The following ZBTB8OS variants were observed in gnomAD, a reference collection of about 807,000 sequenced individuals.
ZBTB8OS encodes tRNA splicing ligase complex subunit 1, also known as tRNA-splicing ligase-activating factor archease.
In ZBTB8OS, 16 loss-of-function variants were observed where a neutral mutation model predicts 29.3. The ratio of observed to expected loss-of-function variants is 0.55; its 90% confidence interval spans 0.37 to 0.83. The LOEUF is 0.83. Ranked by LOEUF, ZBTB8OS falls within the 40% of genes least tolerant of loss-of-function variation. ZBTB8OS has a pLI of 0.00. For missense variants in ZBTB8OS, 160 were observed against 196.9 expected (o/e 0.81, Z 1.12); for synonymous variants, 70 against 64.6 (o/e 1.08, Z -0.40).
intron 1 of ZBTB8OS, among the ~76,000 whole-genome samples, chr1:32,648,163 C>T (rs571808350): frequency 6.6e-6 from 1 of 152,086 alleles, no homozygotes; most frequent in Non-Finnish European, 1.5e-5. Flanking sequence ...AAGAAAAATA[C>T]AGTAAGTATA....
At chr1:32,626,323 G>A (rs2148315671) in intron 6 of ZBTB8OS, among the ~76,000 whole-genome samples, 1 of 152,204 alleles carries the variant, frequency 6.6e-6, no homozygotes, top group East Asian at 1.9e-4. Context: ...ATACCATATA[G>A]CATAGGTTAT....
At position 32,629,566 on chromosome 1, in the gene ZBTB8OS, C is replaced by T. The variant is rs754683889; in HGVS notation, c.381-2022G>A. ...ACTTGGTTTACACTTTACAACTTTT[C>T]CAAAAATATCCATGATCTGTATATA... On this transcript the variant is annotated intron_variant, in intron 5 of 6. Coordinates refer to ENST00000468695, the MANE Select transcript of ZBTB8OS (RefSeq NM_178547.5). Among the ~76,000 whole-genome samples the T allele has an allele frequency of 8.0e-4, 121 of 152,100 alleles. 1 individual carries two copies. The highest frequency in any genetic ancestry group is 1.6e-4 in the Non-Finnish European group (11 of 68,016).
intron 6 of ZBTB8OS, 39 bp downstream of exon 6, chr1:32,627,469 A>T (rs1645207286): frequency 6.2e-7 from 1 of 1,606,276 alleles, no homozygotes; most frequent in African/African-American, 1.3e-5. Flanking sequence ...ATGGTAAGGA[A>T]ATTTTTCATG....
At chr1:32,650,786 T>C (rs1344466953), upstream of ZBTB8OS, 41 of 589,350 alleles carry the variant, frequency 7.0e-5, no homozygotes, top group Non-Finnish European at 1.2e-4. Context: ...GAAGGGCACC[T>C]TGAATGAAAC....
intron 6 of ZBTB8OS, among the ~76,000 whole-genome samples, chr1:32,626,269 A>G (rs1303392258): frequency 6.6e-6 from 1 of 152,234 alleles, no homozygotes; most frequent in Non-Finnish European, 1.5e-5. Flanking sequence ...AGTATTCAGT[A>G]TAGTAACATG....
rs544233592 is a variant in ZBTB8OS, at chr1:32,634,196, C to T, written c.123-124G>A. On this transcript the variant is annotated intron_variant, in intron 2 of 6. Transcript: ENST00000468695. ...AATTTTAAGGCCTCAATCAATTTAA[C>T]AGCACTGCAACCAGGTGCTTTTCTT... is the stretch of plus-strand genomic sequence containing the variant. The T allele has an allele frequency of 3.7e-5, 28 of 755,826 alleles. No individual in the cohort carries two copies. The African/African-American group carries it at 4.5e-4, about 12-fold the overall frequency. The allele number at this position is 755,826 out of a possible 1,614,324, so 46.8% of individuals were successfully genotyped here.
At chr1:32,633,886 T>C in intron 3 of ZBTB8OS, 65 bp downstream of exon 3, 2 of 1,520,830 alleles carry the variant, frequency 1.3e-6, no homozygotes, top group Non-Finnish European at 1.8e-6. Flanking sequence ...TCAGATTATG[T>C]AGAATACTGC....
intron 1 of ZBTB8OS, among the ~76,000 whole-genome samples, chr1:32,639,617 G>A (rs1024397539): frequency 2.0e-5 from 3 of 151,970 alleles, no homozygotes; most frequent in African/African-American, 7.2e-5. Flanking sequence ...AAAAAACCAG[G>A]CGTGGTAGTG....
intron 1 of ZBTB8OS, among the ~76,000 whole-genome samples, chr1:32,637,181 CACAGTAGTTATTAAAT>C (rs1646034839): frequency 6.6e-6 from 1 of 152,054 alleles, no homozygotes; most frequent in Admixed American, 6.6e-5. Context: ...GCTCTTTTCC[CACAGTAGTTATTAAAT>C]AAAACCTGTT....
At chr1:32,626,022 G>A (rs776861030) in intron 6 of ZBTB8OS, among the ~76,000 whole-genome samples, 6 of 151,926 alleles carry the variant, frequency 3.9e-5, no homozygotes, top group Non-Finnish European at 7.4e-5. Context: ...ACAAGCGCCC[G>A]CCACCGCACC....
At chr1:32,636,685 A>G (rs1243592130) in intron 1 of ZBTB8OS, among the ~76,000 whole-genome samples, 3 of 149,766 alleles carry the variant, frequency 2.0e-5, no homozygotes, top group South Asian at 2.1e-4. Flanking sequence ...AGCAAAACTC[A>G]AAAAATGGAA....
chr1:32,624,688 G>C (rs1464940999), intron 6 of ZBTB8OS, among the ~76,000 whole-genome samples: 1 of 152,100 alleles, frequency 6.6e-6, no homozygotes, highest in Non-Finnish European at 1.5e-5. Context: ...GAAGTCAGGA[G>C]TTTGAGACCA....
intron 1 of ZBTB8OS, among the ~76,000 whole-genome samples, chr1:32,636,612 C>T (rs1037990759): frequency 3.3e-5 from 5 of 151,566 alleles, no homozygotes; most frequent in Non-Finnish European, 7.4e-5. Context: ...ATAGCTTGAA[C>T]CCAGGAGACG....
chr1:32,647,121 G>A (rs1006326372), intron 1 of ZBTB8OS, among the ~76,000 whole-genome samples: 6 of 148,604 alleles, frequency 4.0e-5, no homozygotes, highest in Non-Finnish European at 5.9e-5. Context: ...TTCGGAGGCC[G>A]AGGCGGGCGG....
chr1:32,642,563 T>G (rs1646495745), intron 1 of ZBTB8OS, among the ~76,000 whole-genome samples: 1 of 150,806 alleles, frequency 6.6e-6, no homozygotes, highest in Non-Finnish European at 1.5e-5. Context: ...GGGGGAGAAT[T>G]TGCATCCGTA....
At chr1:32,647,027 G>A (rs1210886742) in intron 1 of ZBTB8OS, among the ~76,000 whole-genome samples, 1 of 92,524 alleles carries the variant, frequency 1.1e-5, no homozygotes. Flanking sequence ...GGGAGACAGA[G>A]CAAGATACTG....
At chr1:32,643,261 G>A (rs986456179) in intron 1 of ZBTB8OS, among the ~76,000 whole-genome samples, 2 of 149,950 alleles carry the variant, frequency 1.3e-5, no homozygotes, top group African/African-American at 4.9e-5. Context: ...TAGTAGAGAC[G>A]GGGGTTTCTC....
At position 32,621,880 on chromosome 1, in the gene ZBTB8OS, A is replaced by G. The variant is rs1185651222; in HGVS notation, c.486T>C (p.Phe162=). 1 of 1,593,686 alleles carries G rather than the reference A, an allele frequency of 6.3e-7. No individual in the cohort carries two copies. The highest frequency in any genetic ancestry group is 2.2e-5 in the East Asian group (1 of 44,534). ...TGGTGTCTTAAATGTCAATGATCAC[A>G]AAAACTTCCGGGTTCTCTTCATTAT... ...QVYNEENPEV[F]VIIDI is the part of the protein sequence containing the mutation. The change falls in exon 7 of 7, where the codon TTT becomes TTC. Residue 162 remains phenylalanine, a synonymous_variant. Coordinates refer to ENST00000468695, the MANE Select transcript of ZBTB8OS (RefSeq NM_178547.5).
chr1:32,640,826 C>A (rs1031794292), intron 1 of ZBTB8OS, among the ~76,000 whole-genome samples: 2 of 151,916 alleles, frequency 1.3e-5, no homozygotes, highest in African/African-American at 4.8e-5. Flanking sequence ...TGAATTTTAC[C>A]ATTATCAACA....
Sources: gnomAD v4.1 joint callset for allele counts (sites outside exome capture counted in the v4.1 genomes callset) on GRCh38, gnomAD v4.1.1 for gene constraint, MANE v1.5 for transcripts, NCBI Gene and HGNC (gene_info 2026-07-23, HGNC 2026-07-21) for gene names.